Variants in MECOM observed in about 807,000 individuals in gnomAD.
MECOM encodes the protein histone-lysine N-methyltransferase MECOM.
A neutral mutation model predicts 116.3 loss-of-function variants in MECOM; 13 were observed. That is an observed-to-expected ratio of 0.11 (90% CI 0.07 to 0.18). MECOM has a LOEUF of 0.18. Among genes scored for constraint, MECOM ranks in the 10% least tolerant of loss-of-function variants. MECOM has a pLI of 1.00. For synonymous variants in MECOM, 528 were observed against 535.2 expected (o/e 0.99, Z 0.19); for missense variants, 1,299 against 1,509.0 (o/e 0.86, Z 2.31).
intron 1 of MECOM, among the ~76,000 whole-genome samples, chr3:169,531,855 A>G (rs1419203733): frequency 6.6e-6 from 1 of 152,196 alleles, no homozygotes. Context: ...TTTTGTACCA[A>G]TTGGGAGCAG....
intron 1 of MECOM, among the ~76,000 whole-genome samples, chr3:169,631,629 T>A (rs1025666031): frequency 9.0e-6 from 1 of 111,356 alleles, no homozygotes; most frequent in Non-Finnish European, 1.7e-5. Context: ...ACCCCACAAC[T>A]GTCCCCAGAG....
intron 1 of MECOM, among the ~76,000 whole-genome samples, chr3:169,516,562 A>G (rs1259927330): frequency 6.6e-6 from 1 of 152,094 alleles, no homozygotes; most frequent in South Asian, 2.1e-4. Flanking sequence ...CCCTGTGCAA[A>G]GCGTGCATTC....
intron 2 of MECOM, among the ~76,000 whole-genome samples, chr3:169,308,579 T>C (rs952829424): frequency 2.0e-5 from 3 of 152,252 alleles, no homozygotes; most frequent in African/African-American, 7.2e-5. Flanking sequence ...ATTTATAAAT[T>C]TAAAGCCACT....
At chr3:169,382,869 A>T (rs549519815) in intron 1 of MECOM, among the ~76,000 whole-genome samples, 1,132 of 83,848 alleles carry the variant, frequency 0.014, 59 homozygotes, top group African/African-American at 0.016. Flanking sequence ...AAAAAATAAA[A>T]AAAATAAAAA....
chr3:169,451,350 A>G (rs1189849196), intron 1 of MECOM, among the ~76,000 whole-genome samples: 1 of 152,220 alleles, frequency 6.6e-6, no homozygotes, highest in Non-Finnish European at 1.5e-5. Context: ...CATAAAAAGA[A>G]CTCTACTTGT....
intron 9 of MECOM, among the ~76,000 whole-genome samples, chr3:169,108,897 A>G (rs1726341149): frequency 6.6e-6 from 1 of 152,172 alleles, no homozygotes; most frequent in African/African-American, 2.4e-5. Context: ...TGAAGAAAGG[A>G]TAGAAATGTA....
At chr3:169,208,290 A>T (rs1007921776) in intron 2 of MECOM, among the ~76,000 whole-genome samples, 1 of 148,350 alleles carries the variant, frequency 6.7e-6, no homozygotes, top group South Asian at 2.1e-4. Flanking sequence ...GTTATATTAC[A>T]TTATATATAC....
intron 2 of MECOM, among the ~76,000 whole-genome samples, chr3:169,316,266 C>T (rs1719723519): frequency 6.6e-6 from 1 of 152,152 alleles, no homozygotes; most frequent in African/African-American, 2.4e-5. Flanking sequence ...AGAAACAACG[C>T]AGAAGAATTA....
intron 8 of MECOM, among the ~76,000 whole-genome samples, chr3:169,113,632 T>C (rs9842753): frequency 0.057 from 8,593 of 151,900 alleles, 815 homozygotes; most frequent in African/African-American, 0.2. Flanking sequence ...TATTTTGTAT[T>C]AAGCACATAG....
chr3:169,283,712 A>G (rs1712665986), intron 2 of MECOM, among the ~76,000 whole-genome samples: 1 of 152,194 alleles, frequency 6.6e-6, no homozygotes, highest in Admixed American at 6.5e-5. Flanking sequence ...TAGGTTCCTT[A>G]AAATTATTTA....
At chr3:169,309,611 CT>C (rs1321898601) in intron 2 of MECOM, among the ~76,000 whole-genome samples, 4 of 152,258 alleles carry the variant, frequency 2.6e-5, no homozygotes, top group African/African-American at 9.6e-5. Context: ...CTGGAAATGG[CT>C]TTATTTCCAT....
intron 1 of MECOM, among the ~76,000 whole-genome samples, chr3:169,575,485 T>C (rs74788716): frequency 0.051 from 7,769 of 152,248 alleles, 400 homozygotes; most frequent in African/African-American, 0.13. Context: ...CAAATCTGGG[T>C]TGCTCGTTTT....
At chr3:169,174,062 G>A (rs1052027895) in intron 2 of MECOM, among the ~76,000 whole-genome samples, 1 of 152,118 alleles carries the variant, frequency 6.6e-6, no homozygotes. Context: ...GACTTGCCAG[G>A]CTAACTCATG....
At chr3:169,193,566 A>C (rs1301155584) in intron 2 of MECOM, among the ~76,000 whole-genome samples, 13 of 151,954 alleles carry the variant, frequency 8.6e-5, no homozygotes, top group Admixed American at 8.5e-4. Flanking sequence ...AGGGGTCTTC[A>C]ATGGTATTAC....
At chr3:169,352,994 T>G (rs1725094405) in intron 2 of MECOM, among the ~76,000 whole-genome samples, 1 of 151,910 alleles carries the variant, frequency 6.6e-6, no homozygotes, top group African/African-American at 2.4e-5. Context: ...TGATGTGACT[T>G]AGAGCCTCTC....
At chr3:169,627,569 A>G (rs917207542) in intron 1 of MECOM, among the ~76,000 whole-genome samples, 18 of 152,244 alleles carry the variant, frequency 1.2e-4, no homozygotes, top group Non-Finnish European at 1.8e-4. Flanking sequence ...TATTCCTTAC[A>G]CAAGGAAAAA....
chr3:169,404,621 G>A (rs889826499), intron 1 of MECOM, among the ~76,000 whole-genome samples: 6 of 152,198 alleles, frequency 3.9e-5, no homozygotes, highest in Admixed American at 2.0e-4. Context: ...CGATGGGCCA[G>A]TTCCTCTGAA....
chr3:169,345,436 G>A (rs1725184144), intron 2 of MECOM, among the ~76,000 whole-genome samples: 1 of 152,048 alleles, frequency 6.6e-6, no homozygotes, highest in Non-Finnish European at 1.5e-5. Context: ...CTCACTTTAT[G>A]TGCGTTCATA....
At chr3:169,542,052 T>G (rs1318078701) in intron 1 of MECOM, among the ~76,000 whole-genome samples, 1 of 152,186 alleles carries the variant, frequency 6.6e-6, no homozygotes, top group Non-Finnish European at 1.5e-5. Flanking sequence ...TACTAAGCAG[T>G]GCTATAGATG....
Sources: allele counts gnomAD v4.1 joint callset (sites outside exome capture counted in the v4.1 genomes callset), GRCh38; gene constraint gnomAD v4.1.1; transcripts MANE v1.5; gene names NCBI Gene and HGNC (gene_info 2026-07-23, HGNC 2026-07-21).